Variants in SLC38A4 observed in about 807,000 individuals in gnomAD.
SLC38A4 encodes solute carrier family 38 member 4, also known as sodium-coupled neutral amino acid transporter 4.
SLC38A4 carries 20 observed loss-of-function variants against 63.1 expected under a neutral mutation model. The observed-to-expected ratio is 0.32, with a 90% CI of 0.22 to 0.46. The LOEUF (loss-of-function observed/expected upper bound fraction) is 0.46. SLC38A4 is among the 20% of genes least tolerant of loss of function. SLC38A4 has a pLI of 1.00. For missense variants in SLC38A4, 526 were observed against 663.6 expected (o/e 0.79, Z 2.28); for synonymous variants, 230 against 225.5 (o/e 1.02, Z -0.18).
intron 5 of SLC38A4, among the ~76,000 whole-genome samples, chr12:46,787,383 C>T (rs752257086): frequency 2.0e-5 from 3 of 151,994 alleles, no homozygotes; most frequent in African/African-American, 4.8e-5. Flanking sequence ...GATCAGGGCG[C>T]GCAGTATTCA....
intron 2 of SLC38A4, among the ~76,000 whole-genome samples, chr12:46,797,285 A>G (rs888135401): frequency 1.5e-4 from 23 of 152,088 alleles, no homozygotes; most frequent in African/African-American, 5.1e-4. Flanking sequence ...GAATCAATAG[A>G]CTGAGTAAAA....
intron 7 of SLC38A4, 50 bp from the exon 8 acceptor site, chr12:46,780,080 C>CA (rs1221105238): frequency 7.3e-7 from 1 of 1,373,322 alleles, no homozygotes; most frequent in African/African-American, 1.4e-5. Flanking sequence ...ACTGAAGTCA[C>CA]ATGCAAGCAA....
In SLC38A4 at chr12:46,785,563, C is replaced by T. The variant is rs575318707; in HGVS notation, c.327-386G>A. Among the ~76,000 whole-genome samples, 4 of 152,082 alleles carry T rather than the reference C, an allele frequency of 2.6e-5. No homozygotes were observed. In the East Asian group the frequency reaches 7.8e-4, roughly 30 times the overall value. ...TTAGAATTGAAGGGCTATTCAATAGCCTGACTAAACCTTAATCTGAAATCT... is the reference window on the plus strand; with the variant it reads ...TTAGAATTGAAGGGCTATTCAATAGTCTGACTAAACCTTAATCTGAAATCT... On this transcript the variant is annotated intron_variant, in intron 5 of 16. Transcript: ENST00000266579.
At chr12:46,827,842 T>C (rs748932459), upstream of SLC38A4, among the ~76,000 whole-genome samples, 1 of 152,140 alleles carries the variant, frequency 6.6e-6, no homozygotes, top group South Asian at 2.1e-4. Flanking sequence ...TTTTAAATCC[T>C]AACATTAAAA....
intron 5 of SLC38A4, 28 bp downstream of exon 5, chr12:46,787,888 C>T (rs769074120): frequency 1.3e-5 from 20 of 1,520,862 alleles, no homozygotes; most frequent in Non-Finnish European, 1.8e-5. Context: ...GACTTCATCA[C>T]CAAATGTAGA....
At chr12:46,769,104 C>T (rs866645468) in intron 15 of SLC38A4, among the ~76,000 whole-genome samples, 180 bp downstream of exon 15, 2 of 152,010 alleles carry the variant, frequency 1.3e-5, no homozygotes, top group African/African-American at 2.4e-5. Flanking sequence ...AGGTGGCTCC[C>T]AATGTCAGTT....
Position 46,779,842 on chromosome 12 carries a change from T to C in SLC38A4, c.596A>G (p.Asn199Ser). Residue 199 changes from asparagine to serine, a missense_variant, in exon 9 of 17, where the codon AAC (asparagine) becomes AGC (serine). By Grantham distance (46) the Asn-to-Ser change is conservative. Coordinates refer to ENST00000266579, the MANE Select transcript of SLC38A4 (RefSeq NM_018018.5). ...AACAGACACAAATATGATGAGGTAG[T>C]TGCCATTGAGGTACCATTCTCTAGA... Reference protein sequence around the residue: ...ENTGEWYLNGNYLIIFVSVGI... With the variant: ...ENTGEWYLNGSYLIIFVSVGI... 1 of 1,612,300 alleles carries C rather than the reference T, an allele frequency of 6.2e-7. No homozygotes were observed. Among genetic ancestry groups the C allele is most frequent in the Non-Finnish European group, 8.5e-7 (1 of 1,179,086 alleles).
intron 1 of SLC38A4, among the ~76,000 whole-genome samples, chr12:46,825,590 G>A (rs971969282): frequency 6.6e-6 from 1 of 152,118 alleles, no homozygotes; most frequent in Non-Finnish European, 1.5e-5. Flanking sequence ...AACCCTTTTA[G>A]TTAGATCCCT....
At chr12:46,769,522 C>T (rs1248558339) in intron 14 of SLC38A4, 94 bp from the exon 15 acceptor site, 2 of 1,378,608 alleles carry the variant, frequency 1.5e-6, no homozygotes, top group Admixed American at 4.5e-5. Flanking sequence ...CATTTTCTTT[C>T]CTTTTCTTTT....
chr12:46,778,486 G>T lies in SLC38A4; in HGVS notation c.993+15C>A. 1.2e-6 allele frequency: 2 copies of T among 1,610,110 alleles called. No individual in the cohort carries two copies. Among genetic ancestry groups the T allele is most frequent in the Non-Finnish European group, 1.7e-6 (2 of 1,177,188 alleles). ...ACATAACTGTACTCATTAGAAGCCCGGACCGCTCACTTACCCGGGAGTTGA... is the reference window on the plus strand; with the variant it reads ...ACATAACTGTACTCATTAGAAGCCCTGACCGCTCACTTACCCGGGAGTTGA... On this transcript the variant is annotated intron_variant, in intron 11 of 16. Transcript: ENST00000266579.
intron 7 of SLC38A4, 38 bp from the exon 8 acceptor site, chr12:46,780,068 G>T: frequency 6.7e-7 from 1 of 1,482,438 alleles, no homozygotes; most frequent in Non-Finnish European, 9.4e-7. Flanking sequence ...GGTGTGGACA[G>T]TACTGAAGTC....
intron 1 of SLC38A4, among the ~76,000 whole-genome samples, chr12:46,831,149 C>T (rs1939726022): frequency 6.6e-6 from 1 of 152,212 alleles, no homozygotes; most frequent in African/African-American, 2.4e-5. Flanking sequence ...CCCCCACAAC[C>T]GGCACCTGCC....
At chr12:46,798,929 C>A (rs185032437) in intron 2 of SLC38A4, among the ~76,000 whole-genome samples, 7 of 152,238 alleles carry the variant, frequency 4.6e-5, no homozygotes, top group Admixed American at 1.3e-4. Flanking sequence ...GGAACTATGT[C>A]TTTGGCAGTA....
At chr12:46,818,599 A>G (rs117018296) in intron 1 of SLC38A4, among the ~76,000 whole-genome samples, 1,904 of 151,774 alleles carry the variant, frequency 0.013, 19 homozygotes, top group Admixed American at 0.019. Flanking sequence ...AATATAAGGA[A>G]CCCTCAGCTG....
intron 13 of SLC38A4, 131 bp from the exon 14 acceptor site, chr12:46,775,304 T>G: frequency 5.3e-6 from 6 of 1,139,014 alleles, no homozygotes; most frequent in Non-Finnish European, 7.2e-6. Flanking sequence ...GCACCTCTGG[T>G]CTTGCCTCTG....
intron 6 of SLC38A4, 122 bp from the exon 7 acceptor site, chr12:46,784,756 C>A: frequency 1.4e-6 from 1 of 723,510 alleles, no homozygotes; most frequent in Non-Finnish European, 2.2e-6. Context: ...AAATTATAAG[C>A]CCAAAAGATG....
intron 2 of SLC38A4, among the ~76,000 whole-genome samples, chr12:46,797,145 C>A (rs1263055174): frequency 6.6e-6 from 1 of 152,088 alleles, no homozygotes; most frequent in African/African-American, 2.4e-5. Context: ...CAGTCCACTC[C>A]CAAGACTTCA....
rs955787422 is a variant in SLC38A4, at chr12:46,776,045, T to C, written c.1174+859A>G. 2.6e-5 allele frequency among the ~76,000 whole-genome samples: 4 copies of C among 152,016 alleles called. No homozygotes were observed. The East Asian group carries it at 7.7e-4, about 29-fold the overall frequency. On this transcript the variant is annotated intron_variant, in intron 13 of 16. Transcript: ENST00000266579. ...ATAGAAAAAAAACCTAAGCAAATGGTGGCCTACTCCTGAATCTTTTCCTCC... is the reference window on the plus strand; with the variant it reads ...ATAGAAAAAAAACCTAAGCAAATGGCGGCCTACTCCTGAATCTTTTCCTCC...
intron 1 of SLC38A4, among the ~76,000 whole-genome samples, chr12:46,811,574 T>A (rs1393034602): frequency 6.6e-6 from 1 of 152,060 alleles, no homozygotes; most frequent in African/African-American, 2.4e-5. Flanking sequence ...TTCTTTGTTA[T>A]GTTTAATTCA....
Sources: allele counts gnomAD v4.1 joint callset (sites outside exome capture counted in the v4.1 genomes callset), GRCh38; gene constraint gnomAD v4.1.1; transcripts MANE v1.5; gene names NCBI Gene and HGNC (gene_info 2026-07-23, HGNC 2026-07-21).